KIAA1549: variants seen among roughly 807,000 people sequenced by gnomAD.
KIAA1549 encodes the protein KIAA1549.
In KIAA1549, 70 loss-of-function variants were observed where a neutral mutation model predicts 156.4. The ratio of observed to expected loss-of-function variants is 0.45; its 90% CI spans 0.37 to 0.55. The LOEUF (loss-of-function observed/expected upper bound fraction) is 0.55. KIAA1549 is among the 20% of genes least tolerant of loss of function. KIAA1549 has a pLI of 0.00. For synonymous variants in KIAA1549, 1,103 were observed against 1,066.4 expected, an observed-to-expected ratio of 1.03 and a Z score of -0.67; for missense variants, 2,428 against 2,540.9, an observed-to-expected ratio of 0.96 and a Z score of 0.96.
intron 8 of KIAA1549, 22 bp downstream of exon 8, chr7:138,903,566 C>T: frequency 6.2e-7 from 1 of 1,610,106 alleles, no homozygotes; most frequent in Non-Finnish European, 8.5e-7. Flanking sequence ...TCTCCTTCCC[C>T]TCCTCCTTTG....
At chr7:138,899,686 C>G (rs980104064) in intron 8 of KIAA1549, among the ~76,000 whole-genome samples, 3 of 152,112 alleles carry the variant, frequency 2.0e-5, no homozygotes, top group African/African-American at 7.2e-5. Context: ...CCAGGTACCC[C>G]CATCCTGCAC....
chr7:138,882,446 G>A (rs796249037), intron 10 of KIAA1549, among the ~76,000 whole-genome samples: 4 of 152,174 alleles, frequency 2.6e-5, no homozygotes, highest in African/African-American at 9.7e-5. Context: ...TTTCAAACAC[G>A]CTTAATTTGA....
chr7:138,868,245 T>C (rs1436345194), intron 14 of KIAA1549, 117 bp from the exon 15 acceptor site: 3 of 986,660 alleles, frequency 3.0e-6, no homozygotes, highest in Non-Finnish European at 4.5e-6. Flanking sequence ...AAACACCCCA[T>C]AGGATATAAA....
At position 138,897,063 on chromosome 7, in the gene KIAA1549, C is replaced by T. The variant is rs545042098; in HGVS notation, c.3847+1892G>A. On this transcript the variant is annotated intron_variant, in intron 9 of 19. Transcript: ENST00000422774. ...CCAGGATCTTTACCCACGTGGTTTT[C>T]GGTACAAAACTGAGGAAAAGAGGTG... Among the ~76,000 whole-genome samples, 47 of 152,158 alleles carry T rather than the reference C, an allele frequency of 3.1e-4. 1 individual carries two copies. Among genetic ancestry groups the T allele is most frequent in the Non-Finnish European group, 1.8e-4 (12 of 68,016 alleles).
chr7:138,918,195 A>T lies in KIAA1549; in HGVS notation c.1431T>A (p.Asp477Glu), dbSNP rs1411890432. The change falls in exon 2 of 20, where the codon GAT (aspartate) becomes GAA (glutamate). Residue 477 changes from aspartate (D) to glutamate (E), a missense_variant. By Grantham distance (45) the Asp-to-Glu change is conservative (BLOSUM62 2). Coordinates refer to ENST00000422774, the MANE Select transcript of KIAA1549 (RefSeq NM_001164665.2). This position sits in a 1 kb window ranked among gnomAD's most constrained non-coding sequence, Gnocchi z 4.2. The stretch of plus-strand genomic sequence containing the variant: ...GGAAAAGCGTATTAAATACTTGAGG[A>T]TCTTCCTCAAATTCAGAGAAGTCTG... ...VVADFSEFEEDPQVFNTLFPS... is the reference protein window; with the variant it reads ...VVADFSEFEEEPQVFNTLFPS... 1.9e-6 allele frequency: 3 copies of T among 1,614,000 alleles called. No homozygotes were observed. The highest frequency in any genetic ancestry group is 1.7e-6 in the Non-Finnish European group (2 of 1,179,896).
chr7:138,899,885 T>C (rs528358165), intron 8 of KIAA1549, among the ~76,000 whole-genome samples: 7 of 152,340 alleles, frequency 4.6e-5, no homozygotes, highest in Non-Finnish European at 5.9e-5. Flanking sequence ...TTTTATGCCC[T>C]TATTTCAAAA....
At chr7:138,937,827 G>A (rs143797550) in intron 1 of KIAA1549, among the ~76,000 whole-genome samples, 185 of 152,298 alleles carry the variant, frequency 1.2e-3, no homozygotes, top group African/African-American at 3.9e-3. Context: ...CTGGGCCAAT[G>A]ATAGAGATTG....
chr7:138,894,599 G>A, intron 9 of KIAA1549, 73 bp from the exon 10 acceptor site: 3 of 1,436,502 alleles, frequency 2.1e-6, no homozygotes, highest in Non-Finnish European at 2.9e-6. Flanking sequence ...TGTCTTCTAT[G>A]AGAAACTCAG....
At chr7:138,905,718 T>A (rs1563071615) in intron 6 of KIAA1549, among the ~76,000 whole-genome samples, 3 of 152,346 alleles carry the variant, frequency 2.0e-5, no homozygotes, top group Non-Finnish European at 4.4e-5. Context: ...TTTTTTTTTT[T>A]TAAATAAACG....
intron 10 of KIAA1549, among the ~76,000 whole-genome samples, chr7:138,883,328 T>TG (rs1554415394): frequency 6.7e-6 from 1 of 150,336 alleles, no homozygotes; most frequent in East Asian, 1.9e-4. Context: ...TTTTTTTTTT[T>TG]TCTTAAGACA....
rs1244052318 is a variant in KIAA1549, at chr7:138,871,298, G to A, written c.4410C>T (p.Asp1470=). The A allele has an allele frequency of 2.5e-6, 4 of 1,607,464 alleles. No homozygotes were observed. The highest frequency in any genetic ancestry group is 3.4e-6 in the Non-Finnish European group (4 of 1,176,704). ...TAGCCTCCGGGGGGCGGGAGATCCT[G>A]TCCACGTGCTCGAAGATGGAGGCTG... is the stretch of plus-strand genomic sequence containing the variant. The part of the protein sequence containing the change: ...HSSASIFEHV[D]RISRPPEASR... Residue 1470 remains aspartate, a synonymous_variant, in exon 13 of 20, where the codon GAC becomes GAT. Coordinates refer to ENST00000422774, the MANE Select transcript of KIAA1549 (RefSeq NM_001164665.2).
intron 1 of KIAA1549, among the ~76,000 whole-genome samples, chr7:138,977,844 C>A (rs533001114): frequency 2.0e-5 from 3 of 152,162 alleles, no homozygotes; most frequent in Non-Finnish European, 4.4e-5. Flanking sequence ...GGATTACAGG[C>A]ACATGCCACC....
chr7:138,847,365 T>C (rs1231370454), intron 17 of KIAA1549, among the ~76,000 whole-genome samples: 1 of 152,150 alleles, frequency 6.6e-6, no homozygotes, highest in East Asian at 1.9e-4. Context: ...TTTGCTGCTT[T>C]TGGATCACAA....
chr7:138,894,350 G>A lies in KIAA1549; in HGVS notation c.4024C>T (p.Arg1342Cys), dbSNP rs766501672. Residue 1342 changes from arginine (R) to cysteine (C), a missense_variant, in exon 10 of 20, where the codon CGT (arginine) becomes TGT (cysteine). By Grantham distance (180) the Arg-to-Cys change is radical. Coordinates refer to ENST00000422774, the MANE Select transcript of KIAA1549 (RefSeq NM_001164665.2). ...QPDTVANIQQ[R>C]QKLQIPSVKG... is the part of the protein sequence containing the mutation. ...AAGAGGCTGCCCGTTACCTTCTGACGCTGCTGAATGTTGGCCACAGTGTCA... is the reference window on the plus strand; with the variant it reads ...AAGAGGCTGCCCGTTACCTTCTGACACTGCTGAATGTTGGCCACAGTGTCA... 8 of 1,613,728 alleles carry A rather than the reference G, an allele frequency of 5.0e-6. No individual in the cohort carries two copies. The highest frequency in any genetic ancestry group is 2.7e-5 in the African/African-American group (2 of 74,890).
rs147959865 is a variant in KIAA1549 at position 138,946,219 on chromosome 7, G to C, written c.188-26781C>G. 3.8e-3 allele frequency among the ~76,000 whole-genome samples: 575 copies of C among 152,232 alleles called. 10 individuals are homozygous for C. Among genetic ancestry groups the C allele is most frequent in the African/African-American group, 0.013 (546 of 41,524 alleles). On this transcript the variant is annotated intron_variant, in intron 1 of 19. Transcript: ENST00000422774. ...TACTGAGTGAGGCTTGTTATTCTCT[G>C]CTTTTAAACACTGGTTATAGTTTTC...
chr7:138,845,365 A>T (rs1458593486), intron 17 of KIAA1549, among the ~76,000 whole-genome samples: 2 of 152,210 alleles, frequency 1.3e-5, no homozygotes, highest in Non-Finnish European at 2.9e-5. Flanking sequence ...ATCTGGCTTC[A>T]GAGAATACAT....
At chr7:138,957,459 C>CCTTCTTCTTCTT (rs57229286) in intron 1 of KIAA1549, among the ~76,000 whole-genome samples, 79 of 125,284 alleles carry the variant, frequency 6.3e-4, no homozygotes, top group African/African-American at 2.3e-3. Context: ...CCCTCCTTCT[C>CCTTCTTCTTCTT]CTTCTTCTTC....
chr7:138,842,265 T>C (rs1273364563), intron 18 of KIAA1549, among the ~76,000 whole-genome samples: 2 of 152,144 alleles, frequency 1.3e-5, no homozygotes, highest in South Asian at 2.1e-4. Context: ...GCTTCCCCCA[T>C]GAGTCAGCAT....
intron 9 of KIAA1549, among the ~76,000 whole-genome samples, chr7:138,896,894 C>A (rs1482587839): frequency 1.3e-5 from 2 of 152,240 alleles, no homozygotes; most frequent in African/African-American, 2.4e-5. Context: ...AGCCACCACA[C>A]CTGCCCTCTT....
Sources: gnomAD v4.1 joint callset for allele counts (sites outside exome capture counted in the v4.1 genomes callset) on GRCh38, gnomAD v4.1.1 for gene constraint, Gnocchi (gnomAD v3.1) non-coding constraint, MANE v1.5 for transcripts, NCBI Gene and HGNC (gene_info 2026-07-23, HGNC 2026-07-21) for gene names.